Variants in ADAM12 observed in about 807,000 individuals in gnomAD.
The protein encoded by ADAM12 is ADAM metallopeptidase domain 12.
ADAM12 carries 70 observed loss-of-function variants against 106.4 expected under a neutral mutation model. The ratio of observed to expected loss-of-function variants is 0.66; its 90% CI spans 0.54 to 0.80. ADAM12 has a LOEUF of 0.80. Ranked by LOEUF, ADAM12 falls within the 30% of genes least tolerant of loss-of-function variation. The pLI, the probability that ADAM12 is intolerant of heterozygous loss-of-function variation, is 0.00. For missense variants in ADAM12, 1,010 were observed against 1,171.9 expected (o/e 0.86, Z 2.02); for synonymous variants, 420 against 433.5 (o/e 0.97, Z 0.39).
chr10:126,087,232 A>G (rs1955376238), intron 11 of ADAM12, among the ~76,000 whole-genome samples: 1 of 152,102 alleles, frequency 6.6e-6, no homozygotes, highest in African/African-American at 2.4e-5. Context: ...TCATATTCTA[A>G]TGGAATTGCA....
chr10:126,377,644 T>C (rs939007855), intron 1 of ADAM12, among the ~76,000 whole-genome samples: 4 of 152,154 alleles, frequency 2.6e-5, no homozygotes, highest in Non-Finnish European at 5.9e-5. Context: ...CCAATCAAGC[T>C]TAACCATCAC....
At chr10:126,045,516 T>A (rs896112188) in intron 17 of ADAM12, among the ~76,000 whole-genome samples, 1 of 152,200 alleles carries the variant, frequency 6.6e-6, no homozygotes, top group African/African-American at 2.4e-5. Context: ...TATGATTCCA[T>A]TGGAAATAAG....
At chr10:126,341,521 C>T (rs926877143) in intron 1 of ADAM12, among the ~76,000 whole-genome samples, 2 of 152,148 alleles carry the variant, frequency 1.3e-5, no homozygotes, top group Admixed American at 1.3e-4. Context: ...TCCACATGAG[C>T]CTTATTTATA....
chr10:126,295,532 TACACACACACACACATACACACAC>T (rs1278499208), intron 2 of ADAM12, among the ~76,000 whole-genome samples: 1 of 147,560 alleles, frequency 6.8e-6, no homozygotes, highest in Non-Finnish European at 1.5e-5. Flanking sequence ...ACCACAAAAA[TACACACACACACACATACACACAC>T]ACACACACAC....
intron 3 of ADAM12, among the ~76,000 whole-genome samples, chr10:126,243,620 A>C (rs1000209103): frequency 1.3e-5 from 2 of 152,190 alleles, no homozygotes; most frequent in East Asian, 3.9e-4. Context: ...CAGGGTGAAT[A>C]CATTTTTATT....
rs73384797 is a variant in ADAM12, at chr10:126,285,542, T to C, written c.187-6554A>G. On this transcript the variant is annotated intron_variant, in intron 2 of 22. Coordinates refer to ENST00000448723, the MANE Select transcript of ADAM12 (RefSeq NM_001288973.2). ...TGAAATAGCTCTTGCTATTTGTACT[T>C]ATACTTCACTCTCAGTTCCATCTAG... 8.8e-4 allele frequency among the ~76,000 whole-genome samples: 134 copies of C among 152,364 alleles called. 1 individual carries two copies. The highest frequency in any genetic ancestry group is 3.1e-3 in the African/African-American group (129 of 41,584).
chr10:126,237,997 C>T (rs113725247), intron 3 of ADAM12, among the ~76,000 whole-genome samples: 5,384 of 152,176 alleles, frequency 0.035, 355 homozygotes, highest in African/African-American at 0.12. Context: ...AAGTGTTGGC[C>T]CTGCGATGGT....
chr10:126,111,818 GGCGGAGGTTTATTCTCCTGTTA>G (rs1422635216), intron 6 of ADAM12, among the ~76,000 whole-genome samples: 2 of 152,144 alleles, frequency 1.3e-5, no homozygotes, highest in Non-Finnish European at 2.9e-5. Context: ...GCCGGCTCAG[GGCGGAGGTTTATTCTCCTGTTA>G]GCTGCACACA....
rs137945394 is a variant in ADAM12 at position 126,036,214 on chromosome 10, G to A, written c.2461C>T (p.Arg821Trp). ...STQRVLPPLH[R>W]APRAPSVPAR... The stretch of plus-strand genomic sequence containing the variant: ...GGGACGCTAGGTGCACGTGGAGCCC[G>A]GTGGAGGGGAGGAAGCACTCGCTGA... The change falls in exon 21 of 23, where the codon CGG becomes TGG. Residue 821 changes from arginine (R) to tryptophan (W), a missense_variant. Coordinates refer to ENST00000448723, the MANE Select transcript of ADAM12 (RefSeq NM_001288973.2). 3.2e-6 allele frequency: 5 copies of A among 1,551,266 alleles called. No homozygotes were observed. Among genetic ancestry groups the A allele is most frequent in the South Asian group, 1.2e-5 (1 of 82,084 alleles).
At chr10:126,201,125 A>T (rs996381597) in intron 3 of ADAM12, among the ~76,000 whole-genome samples, 4 of 152,124 alleles carry the variant, frequency 2.6e-5, no homozygotes, top group African/African-American at 9.7e-5. Context: ...AGAAAAAGGG[A>T]TCATTTGAGA....
intron 11 of ADAM12, among the ~76,000 whole-genome samples, chr10:126,072,578 C>A (rs563087628): frequency 4.9e-4 from 74 of 152,268 alleles, no homozygotes; most frequent in Non-Finnish European, 7.4e-4. Context: ...TGGAGGAAGG[C>A]CACCTGCAGC....
intron 3 of ADAM12, among the ~76,000 whole-genome samples, chr10:126,242,763 C>T (rs1448343908): frequency 6.6e-6 from 1 of 152,202 alleles, no homozygotes; most frequent in Admixed American, 6.5e-5. Context: ...TTCAAGATGT[C>T]CACATCTGGG....
chr10:126,122,946 T>G (rs1956141074), intron 5 of ADAM12, among the ~76,000 whole-genome samples: 1 of 152,224 alleles, frequency 6.6e-6, no homozygotes, highest in Admixed American at 6.5e-5. Context: ...AGAAGCAAAT[T>G]ACTGAAAAAG....
intron 14 of ADAM12, among the ~76,000 whole-genome samples, chr10:126,058,791 G>T (rs954921126): frequency 2.0e-5 from 3 of 152,214 alleles, no homozygotes; most frequent in Non-Finnish European, 4.4e-5. Flanking sequence ...GAGACAGAGT[G>T]GTCAATAATT....
intron 2 of ADAM12, among the ~76,000 whole-genome samples, chr10:126,329,852 T>A (rs980047794): frequency 1.3e-5 from 2 of 152,230 alleles, no homozygotes; most frequent in Non-Finnish European, 2.9e-5. Flanking sequence ...CAACTGTTCC[T>A]ACAAGCACTG....
At chr10:126,140,655 T>G (rs564879088) in intron 4 of ADAM12, among the ~76,000 whole-genome samples, 2 of 152,364 alleles carry the variant, frequency 1.3e-5, no homozygotes, top group South Asian at 4.1e-4. Flanking sequence ...CTGACCATAA[T>G]TATGAGAACT....
At chr10:126,339,462 A>T (rs1203381402) in intron 1 of ADAM12, among the ~76,000 whole-genome samples, 2 of 152,094 alleles carry the variant, frequency 1.3e-5, no homozygotes, top group African/African-American at 2.4e-5. Context: ...CTTCTTACAA[A>T]ACTCCAGTTG....
chr10:126,166,496 T>TTTTTG (rs1441748649), intron 3 of ADAM12, among the ~76,000 whole-genome samples: 2 of 152,002 alleles, frequency 1.3e-5, no homozygotes, highest in African/African-American at 4.8e-5. Flanking sequence ...GGTTTCTTTT[T>TTTTTG]TTTTGTTTTT....
chr10:126,250,031 G>A (rs1958714290), intron 3 of ADAM12, among the ~76,000 whole-genome samples: 1 of 152,106 alleles, frequency 6.6e-6, no homozygotes, highest in East Asian at 1.9e-4. Flanking sequence ...GAAAGAAAAG[G>A]AGTAAGCAAA....
Sources: allele counts gnomAD v4.1 joint callset (sites outside exome capture counted in the v4.1 genomes callset), GRCh38; gene constraint gnomAD v4.1.1; transcripts MANE v1.5; gene names NCBI Gene and HGNC (gene_info 2026-07-23, HGNC 2026-07-21).